Variants in PKP2 observed in about 807,000 individuals in gnomAD.
PKP2 encodes plakophilin 2, also known as plakophilin-2.
A neutral mutation model predicts 83.4 loss-of-function variants in PKP2; 73 were observed. The observed-to-expected ratio is 0.88, with a 90% CI of 0.72 to 1.06. The LOEUF (loss-of-function observed/expected upper bound fraction) is 1.06, where lower values mean the gene tolerates loss of function less well. Among genes scored for constraint, PKP2 ranks in the 50% least tolerant of loss-of-function variants. PKP2 has a pLI of 0.00. For synonymous variants in PKP2, 409 were observed against 430.4 expected, an observed-to-expected ratio of 0.95 and a Z score of 0.62; for missense variants, 966 against 1,065.4, an observed-to-expected ratio of 0.91 and a Z score of 1.30.
intron 9 of PKP2, 52 bp downstream of exon 9, chr12:32,821,304 A>C: frequency 1.4e-6 from 2 of 1,398,924 alleles, no homozygotes; most frequent in Non-Finnish European, 2.0e-6. Context: ...GAATGTAGGT[A>C]TGTCTACAAT....
intron 9 of PKP2, among the ~76,000 whole-genome samples, chr12:32,817,117 G>A (rs573827514): frequency 1.5e-4 from 23 of 152,242 alleles, no homozygotes; most frequent in Admixed American, 5.9e-4. Flanking sequence ...AGACAACCCA[G>A]CAATGAAGCT....
intron 5 of PKP2, among the ~76,000 whole-genome samples, chr12:32,843,998 C>G (rs1248016371): frequency 6.6e-6 from 1 of 152,106 alleles, no homozygotes; most frequent in East Asian, 1.9e-4. Flanking sequence ...TTAAAAAGGA[C>G]CACACAGGAC....
intron 6 of PKP2, among the ~76,000 whole-genome samples, chr12:32,826,672 A>G (rs1956445160): frequency 6.6e-6 from 1 of 152,224 alleles, no homozygotes; most frequent in Non-Finnish European, 1.5e-5. Context: ...GCTGGAAATA[A>G]AACAATTTTT....
intron 4 of PKP2, among the ~76,000 whole-genome samples, chr12:32,868,563 C>T (rs1334089544): frequency 6.6e-6 from 1 of 151,574 alleles, no homozygotes; most frequent in African/African-American, 2.4e-5. Flanking sequence ...TGTTCTGTCA[C>T]CCAGGCTGGA....
chr12:32,891,877 T>G (rs1240150139), intron 1 of PKP2, among the ~76,000 whole-genome samples: 3 of 152,330 alleles, frequency 2.0e-5, no homozygotes, highest in East Asian at 3.9e-4. Flanking sequence ...TGAAGTTTTT[T>G]TTGTTGTTGT....
At chr12:32,822,850 T>G in intron 7 of PKP2, among the ~76,000 whole-genome samples, 1 of 152,174 alleles carries the variant, frequency 6.6e-6, no homozygotes, top group East Asian at 1.9e-4. Context: ...AGGCTGAGTC[T>G]TTTTAGTTTA....
Position 32,877,733 on chromosome 12 carries a change from T to C in PKP2, c.1034+113A>G, listed in dbSNP as rs111475866. The C allele has an allele frequency of 3.3e-3, 2,640 of 809,354 alleles. 5 individuals are homozygous for C. The highest frequency in any genetic ancestry group is 4.5e-3 in the Non-Finnish European group (2,093 of 470,218). The allele number at this position is 809,354 out of a possible 1,614,324, so 50.1% of individuals were successfully genotyped here. Reference sequence around the variant, plus strand: ...CCTGAAAAGTCATTATTTTAATCACTTATCTCTGGAAGCCCTTCTCTCAAG... The same window carrying C: ...CCTGAAAAGTCATTATTTTAATCACCTATCTCTGGAAGCCCTTCTCTCAAG... On this transcript the variant is annotated intron_variant, in intron 3 of 12. Transcript: ENST00000340811.
chr12:32,885,492 A>C (rs976392704), intron 1 of PKP2, among the ~76,000 whole-genome samples: 2 of 152,084 alleles, frequency 1.3e-5, no homozygotes, highest in African/African-American at 2.4e-5. Flanking sequence ...TGTCTCTAAA[A>C]CATAAAATAC....
chr12:32,802,295 C>A (rs1956188455), intron 10 of PKP2, 108 bp downstream of exon 10: 2 of 1,139,898 alleles, frequency 1.8e-6, no homozygotes, highest in Middle Eastern at 2.8e-4. Context: ...CTACTCCTTA[C>A]TCCCATTTCC....
intron 9 of PKP2, among the ~76,000 whole-genome samples, chr12:32,816,323 G>A (rs1342315259): frequency 6.6e-6 from 1 of 152,040 alleles, no homozygotes; most frequent in East Asian, 1.9e-4. Flanking sequence ...CGTATAAGTG[G>A]GAGAATATGT....
rs556406976 is a variant in PKP2, at chr12:32,842,985, C to CTT, written c.1379-1782_1379-1781dup. Reference sequence around the variant, plus strand: ...ACTGTGCCTGGCCCAGCAATTCCTACTTTTTTTTTTTTGAGACAGAGTCTC... The same window carrying CTT: ...ACTGTGCCTGGCCCAGCAATTCCTACTTTTTTTTTTTTTTGAGACAGAGTCTC... On this transcript the variant is annotated intron_variant, in intron 5 of 12. Transcript: ENST00000340811. Among the ~76,000 whole-genome samples, 2,707 of 141,088 alleles carry CTT rather than the reference C, an allele frequency of 0.019. 38 individuals are homozygous for CTT. The highest frequency in any genetic ancestry group is 0.029 in the Middle Eastern group (7 of 242). The allele number at this position is 141,088 out of a possible 152,430, so 92.6% of individuals were successfully genotyped here.
chr12:32,831,542 C>A (rs182274610), intron 6 of PKP2, among the ~76,000 whole-genome samples: 5 of 152,102 alleles, frequency 3.3e-5, no homozygotes, highest in Non-Finnish European at 5.9e-5. Flanking sequence ...ATAAGCTAAC[C>A]GATTAAGAAA....
chr12:32,856,074 G>A (rs1956745477), intron 4 of PKP2, among the ~76,000 whole-genome samples: 2 of 151,934 alleles, frequency 1.3e-5, no homozygotes, highest in East Asian at 1.9e-4. Context: ...TGAGATTATG[G>A]GTGCATTTCC....
intron 6 of PKP2, among the ~76,000 whole-genome samples, chr12:32,828,310 A>C (rs1956462208): frequency 6.8e-6 from 1 of 146,734 alleles, no homozygotes; most frequent in African/African-American, 2.4e-5. Context: ...TCACAATGAA[A>C]AAGAGAAAAG....
chr12:32,869,375 A>G (rs556758358), intron 3 of PKP2, among the ~76,000 whole-genome samples: 6 of 152,048 alleles, frequency 3.9e-5, no homozygotes, highest in Non-Finnish European at 8.8e-5. Flanking sequence ...ACTTGAGGTC[A>G]GGAGTTCAAG....
chr12:32,896,753 G>C lies in PKP2; in HGVS notation c.-22C>G, dbSNP rs373925978. The C allele has an allele frequency of 5.3e-3, 6,849 of 1,295,808 alleles. 312 individuals are homozygous for C. The African/African-American group carries it at 0.093, about 18-fold the overall frequency. 80.3% of individuals were successfully genotyped at this position (1,295,808 alleles called of 1,614,324 possible). On this transcript the variant is annotated 5_prime_UTR_variant, in exon 1 of 13. Coordinates refer to ENST00000340811, the MANE Select transcript of PKP2 (RefSeq NM_001005242.3). ...CCATGGGGCCGGTGGGGGCGACCGAGCTGCTCGCCTGCCTCTGGACTCGCG... is the reference window on the plus strand; with the variant it reads ...CCATGGGGCCGGTGGGGGCGACCGACCTGCTCGCCTGCCTCTGGACTCGCG...
At chr12:32,856,765 A>G (rs1312592359) in intron 4 of PKP2, among the ~76,000 whole-genome samples, 3 of 152,170 alleles carry the variant, frequency 2.0e-5, no homozygotes, top group Non-Finnish European at 2.9e-5. Flanking sequence ...AAAAAAAAAA[A>G]AAGAAGATTC....
chr12:32,827,697 GAAATATACTGAAACAATT>G (rs1426802546), intron 6 of PKP2, among the ~76,000 whole-genome samples: 3 of 152,108 alleles, frequency 2.0e-5, no homozygotes, highest in African/African-American at 7.2e-5. Flanking sequence ...AACTGTAAGT[GAAATATACTGAAACAATT>G]ACCTTATCGA....
intron 5 of PKP2, 67 bp from the exon 6 acceptor site, chr12:32,841,272 A>G: frequency 7.5e-7 from 1 of 1,336,756 alleles, no homozygotes; most frequent in Non-Finnish European, 1.1e-6. Flanking sequence ...TGAAAAGTTC[A>G]GTCAAGGCCA....
Sources: gnomAD v4.1 joint callset for allele counts (sites outside exome capture counted in the v4.1 genomes callset) on GRCh38, gnomAD v4.1.1 for gene constraint, MANE v1.5 for transcripts, NCBI Gene and HGNC (gene_info 2026-07-23, HGNC 2026-07-21) for gene names.